AFG1L: variants seen among roughly 807,000 people sequenced by gnomAD.
AFG1L encodes the protein AFG1 like ATPase, also known as AFG1-like ATPase.
Under a neutral mutation model 62.2 loss-of-function variants are expected in AFG1L, and 53 were observed. The ratio of observed to expected loss-of-function variants is 0.85; its 90% CI spans 0.68 to 1.07. The LOEUF (loss-of-function observed/expected upper bound fraction) is 1.07, where lower values mean the gene tolerates loss of function less well. AFG1L is among the 50% of genes least tolerant of loss of function. AFG1L has a pLI of 0.00. For synonymous variants in AFG1L, 228 were observed against 210.3 expected, an observed-to-expected ratio of 1.08 and a Z score of -0.73; for missense variants, 555 against 590.5, an observed-to-expected ratio of 0.94 and a Z score of 0.62.
chr6:108,370,901 G>C (rs116221884), intron 6 of AFG1L, among the ~76,000 whole-genome samples: 311 of 152,164 alleles, frequency 2.0e-3, no homozygotes, highest in African/African-American at 7.1e-3. Context: ...TTTGGTAATT[G>C]GTGGTCATGT....
intron 8 of AFG1L, among the ~76,000 whole-genome samples, chr6:108,465,384 T>G (rs973165612): frequency 2.0e-5 from 3 of 152,252 alleles, no homozygotes; most frequent in Non-Finnish European, 4.4e-5. Context: ...GTTTACAGTT[T>G]GAGTTTAATT....
At chr6:108,501,853 C>T (rs1269625027) in intron 10 of AFG1L, among the ~76,000 whole-genome samples, 3 of 151,986 alleles carry the variant, frequency 2.0e-5, no homozygotes, top group East Asian at 1.9e-4. Context: ...TTTTGTTTCC[C>T]GGTACATATA....
chr6:108,490,812 C>G (rs532046822), intron 10 of AFG1L, among the ~76,000 whole-genome samples: 1 of 152,306 alleles, frequency 6.6e-6, no homozygotes, highest in Non-Finnish European at 1.5e-5. Context: ...TTTCTACTTC[C>G]CTACACTGGG....
At chr6:108,372,393 A>G (rs568956796) in intron 6 of AFG1L, among the ~76,000 whole-genome samples, 127 of 145,804 alleles carry the variant, frequency 8.7e-4, no homozygotes, top group Non-Finnish European at 1.6e-3. Flanking sequence ...GCAGTGGTGT[A>G]GTCTTGGCTC....
rs547480386 is a variant in AFG1L, at chr6:108,353,932, C to G, written c.416-1722C>G. On this transcript the variant is annotated intron_variant, in intron 3 of 12. Coordinates refer to ENST00000368977, the MANE Select transcript of AFG1L (RefSeq NM_145315.5). ...TCAAATGGCATGGGCCCAGTGTCAT[C>G]TTGTGGCTTGAAGGAAACCCAAAAG... Among the ~76,000 whole-genome samples the G allele has an allele frequency of 6.6e-5, 10 of 152,296 alleles. No homozygotes were observed. The South Asian group carries it at 2.1e-3, about 32-fold the overall frequency.
At chr6:108,466,495 C>CTT (rs370238100) in intron 8 of AFG1L, among the ~76,000 whole-genome samples, 16 of 152,044 alleles carry the variant, frequency 1.1e-4, no homozygotes, top group African/African-American at 3.9e-4. Context: ...AAGGAGGTAC[C>CTT]TAAGATTAAC....
chr6:108,332,990 A>G (rs1366328310), intron 2 of AFG1L, among the ~76,000 whole-genome samples: 3 of 152,216 alleles, frequency 2.0e-5, no homozygotes, highest in African/African-American at 4.8e-5. Context: ...AAAAAGTTCA[A>G]CTTATAAAGG....
intron 6 of AFG1L, among the ~76,000 whole-genome samples, chr6:108,370,376 T>C (rs184861334): frequency 1.3e-5 from 2 of 152,162 alleles, no homozygotes; most frequent in Non-Finnish European, 2.9e-5. Flanking sequence ...TGATGATACC[T>C]TGGTATAAGG....
chr6:108,354,750 A>G (rs1257993228), intron 3 of AFG1L, among the ~76,000 whole-genome samples: 3 of 152,144 alleles, frequency 2.0e-5, no homozygotes, highest in African/African-American at 7.2e-5. Flanking sequence ...GCTACTCAGG[A>G]TAGCCACACA....
chr6:108,375,696 A>G (rs1013229476), intron 6 of AFG1L, among the ~76,000 whole-genome samples: 4 of 151,948 alleles, frequency 2.6e-5, no homozygotes, highest in Non-Finnish European at 5.9e-5. Context: ...TCATGAATTA[A>G]CTTTTTTTGG....
At chr6:108,400,753 A>T (rs1284782490) in intron 6 of AFG1L, among the ~76,000 whole-genome samples, 6 of 126,292 alleles carry the variant, frequency 4.8e-5, no homozygotes, top group African/African-American at 1.8e-4. Context: ...ATATGATATT[A>T]TATATGTTAT....
chr6:108,295,178 C>T lies in AFG1L; in HGVS notation c.99C>T (p.Leu33=), dbSNP rs535538526. The stretch of plus-strand genomic sequence containing the variant: ...GGTGCGGGGCCTGGGCCGCCGCTCT[C>T]GCTCCTCTGGCCACCGCCCCTGGGA... ...CVGCGAWAAA[L]APLATAPGKP... The change falls in exon 1 of 13, where the codon CTC becomes CTT. Residue 33 remains leucine (L), a synonymous_variant. Coordinates refer to ENST00000368977, the MANE Select transcript of AFG1L (RefSeq NM_145315.5). 80 of 1,607,908 alleles carry T rather than the reference C, an allele frequency of 5.0e-5. 1 individual carries two copies. In the South Asian group the frequency reaches 8.0e-4, roughly 16 times the overall value.
intron 8 of AFG1L, among the ~76,000 whole-genome samples, chr6:108,452,415 A>G (rs1772093444): frequency 6.6e-6 from 1 of 151,992 alleles, no homozygotes; most frequent in Admixed American, 6.6e-5. Flanking sequence ...TTTTTATTCC[A>G]AGGCTGAGTC....
At chr6:108,379,611 C>T (rs143137140) in intron 6 of AFG1L, among the ~76,000 whole-genome samples, 1 of 152,210 alleles carries the variant, frequency 6.6e-6, no homozygotes, top group Non-Finnish European at 1.5e-5. Flanking sequence ...ATGGTAGGCA[C>T]AAGCACTAGT....
intron 2 of AFG1L, among the ~76,000 whole-genome samples, chr6:108,331,125 CA>C (rs879816337): frequency 1.3e-3 from 183 of 142,046 alleles, no homozygotes; most frequent in Admixed American, 1.2e-3. Context: ...CCATCTCCAC[CA>C]AAAAAAAAAA....
intron 7 of AFG1L, among the ~76,000 whole-genome samples, chr6:108,411,330 G>C (rs1416509889): frequency 6.6e-6 from 1 of 152,186 alleles, no homozygotes; most frequent in East Asian, 1.9e-4. Flanking sequence ...CTCCACCTCT[G>C]GGGGCAGGGC....
chr6:108,304,738 G>A (rs1400162973), intron 1 of AFG1L, among the ~76,000 whole-genome samples: 2 of 152,182 alleles, frequency 1.3e-5, no homozygotes, highest in East Asian at 1.9e-4. Context: ...ATTTAACTAA[G>A]CATGTGTTCT....
chr6:108,383,267 G>T (rs930466869), intron 6 of AFG1L, among the ~76,000 whole-genome samples: 1 of 152,064 alleles, frequency 6.6e-6, no homozygotes, highest in Non-Finnish European at 1.5e-5. Flanking sequence ...AATTAAAAAG[G>T]TGAAAGAATA....
At chr6:108,395,954 T>C (rs1781281780) in intron 6 of AFG1L, among the ~76,000 whole-genome samples, 1 of 152,086 alleles carries the variant, frequency 6.6e-6, no homozygotes, top group South Asian at 2.1e-4. Flanking sequence ...GCAATCCTCC[T>C]ACCTCACCTT....
Sources: gnomAD v4.1 joint callset for allele counts (sites outside exome capture counted in the v4.1 genomes callset) on GRCh38, gnomAD v4.1.1 for gene constraint, MANE v1.5 for transcripts, NCBI Gene and HGNC (gene_info 2026-07-23, HGNC 2026-07-21) for gene names.